The following DIP2C variants were observed in gnomAD, a reference collection of about 807,000 sequenced individuals.
The protein encoded by DIP2C is DIP2 acetate--CoA ligase C (putative).
In DIP2C, 33 loss-of-function variants were observed where a neutral mutation model predicts 192.4. The ratio of observed to expected loss-of-function variants is 0.17; its 90% CI spans 0.13 to 0.23. DIP2C has a LOEUF of 0.23. DIP2C is among the 10% of genes least tolerant of loss of function. The pLI is 1.00. For synonymous variants in DIP2C, 979 were observed against 864.1 expected (o/e 1.13, Z -2.33); for missense variants, 1,537 against 2,110.1 (o/e 0.73, Z 5.32).
intron 1 of DIP2C, among the ~76,000 whole-genome samples, chr10:568,488 C>T (rs1849572152): frequency 6.6e-6 from 1 of 152,074 alleles, no homozygotes; most frequent in Admixed American, 6.6e-5. Flanking sequence ...TCACTTGAGG[C>T]CGGGCGCGGT....
At chr10:470,626 G>A (rs987549569) in intron 3 of DIP2C, among the ~76,000 whole-genome samples, 1 of 152,200 alleles carries the variant, frequency 6.6e-6, no homozygotes, top group African/African-American at 2.4e-5. Context: ...TGTGAAGATG[G>A]CATGATCCGA....
At chr10:484,678 C>T in intron 2 of DIP2C, 3 of 1,441,510 alleles carry the variant, frequency 2.1e-6, no homozygotes, top group Non-Finnish European at 2.7e-6. Context: ...CTCAGGCCCC[C>T]AAGGCCACAC....
chr10:448,511 C>CTGAA (rs1564725950), intron 3 of DIP2C, among the ~76,000 whole-genome samples: 24 of 118,964 alleles, frequency 2.0e-4, no homozygotes, highest in African/African-American at 1.2e-3. Context: ...GCAGGACCCG[C>CTGAA]TCACTCCCGT....
chr10:589,310 T>C (rs905271556), intron 1 of DIP2C, among the ~76,000 whole-genome samples: 2 of 152,198 alleles, frequency 1.3e-5, no homozygotes, highest in African/African-American at 2.4e-5. Flanking sequence ...CCTAGGGGTG[T>C]CTTTTATATT....
At chr10:295,287 C>T (rs779147490) in intron 32 of DIP2C, among the ~76,000 whole-genome samples, 9 of 151,900 alleles carry the variant, frequency 5.9e-5, no homozygotes, top group Non-Finnish European at 8.8e-5. Flanking sequence ...ATTGGCCGGG[C>T]GCGGTGGCTT....
intron 1 of DIP2C, among the ~76,000 whole-genome samples, chr10:488,298 G>C (rs755481887): frequency 2.6e-5 from 4 of 152,180 alleles, no homozygotes; most frequent in Non-Finnish European, 5.9e-5. Flanking sequence ...CTGTGCTCAC[G>C]GCCTGCTCCT....
intron 1 of DIP2C, among the ~76,000 whole-genome samples, chr10:517,149 G>A (rs1891256): frequency 1.1e-4 from 16 of 151,618 alleles, no homozygotes; most frequent in Non-Finnish European, 1.9e-4. Context: ...GCCCCTCTCC[G>A]CTCCCATCAT....
intron 1 of DIP2C, among the ~76,000 whole-genome samples, chr10:557,971 C>CT (rs1327628488): frequency 2.6e-5 from 4 of 151,950 alleles, no homozygotes; most frequent in Non-Finnish European, 5.9e-5. Context: ...AGGAGGGATG[C>CT]TCCCTGGCAA....
rs756912336 is a variant in DIP2C, at chr10:515,184, GTT to G, written c.86-28656_86-28655del. ...TTTAAAGTGTTACAAATGCAGCTGA[GTT>G]TTAATAGTAACTTGTCCATAATTGT... On this transcript the variant is annotated intron_variant, in intron 1 of 36. Transcript: ENST00000280886. 6.6e-5 allele frequency among the ~76,000 whole-genome samples: 10 copies of G among 152,258 alleles called. No homozygotes were observed. The East Asian group carries it at 1.3e-3, about 21-fold the overall frequency.
chr10:676,064 A>G (rs1310760994), intron 1 of DIP2C, among the ~76,000 whole-genome samples: 3 of 152,214 alleles, frequency 2.0e-5, no homozygotes, highest in Non-Finnish European at 4.4e-5. Flanking sequence ...ATTATACACC[A>G]CGATCAAGTG....
chr10:350,099 G>GT (rs372503793), intron 24 of DIP2C, among the ~76,000 whole-genome samples: 2 of 152,278 alleles, frequency 1.3e-5, no homozygotes, highest in African/African-American at 2.4e-5. Context: ...GGGATTCGCT[G>GT]TTTTTTGAGA....
chr10:616,570 A>G (rs1853484993), intron 1 of DIP2C, among the ~76,000 whole-genome samples: 1 of 152,174 alleles, frequency 6.6e-6, no homozygotes, highest in African/African-American at 2.4e-5. Context: ...CTGAGCCCCA[A>G]CAGCCCCTCG....
rs1217471087 is a variant in DIP2C, at chr10:549,132, G to C, written c.86-62602C>G. Among the ~76,000 whole-genome samples, 4 of 152,088 alleles carry C rather than the reference G, an allele frequency of 2.6e-5. 1 individual carries two copies. In the East Asian group the frequency reaches 7.7e-4, roughly 29 times the overall value. ...GCTCATCAAGGAATCCCTACAAATA[G>C]TAGCTTTAAGAGTCCCCAAAATGCA... On this transcript the variant is annotated intron_variant, in intron 1 of 36. Coordinates refer to ENST00000280886, the MANE Select transcript of DIP2C (RefSeq NM_014974.3).
intron 2 of DIP2C, among the ~76,000 whole-genome samples, chr10:477,683 A>G (rs569259664): frequency 2.0e-4 from 28 of 141,416 alleles, no homozygotes; most frequent in African/African-American, 5.9e-4. Context: ...AATAGATAGG[A>G]GGAAAGCGGA....
chr10:344,116 G>C (rs973807232), intron 28 of DIP2C, among the ~76,000 whole-genome samples: 4 of 152,226 alleles, frequency 2.6e-5, no homozygotes, highest in African/African-American at 7.2e-5. Flanking sequence ...GGTATGACTG[G>C]AAGCAGCTGC....
chr10:510,682 A>C (rs561453723), intron 1 of DIP2C, among the ~76,000 whole-genome samples: 6 of 152,348 alleles, frequency 3.9e-5, no homozygotes, highest in South Asian at 2.1e-4. Flanking sequence ...GAAGCAAAAG[A>C]AGCTGACACC....
intron 1 of DIP2C, among the ~76,000 whole-genome samples, chr10:611,660 C>T (rs1853107811): frequency 6.6e-6 from 1 of 152,156 alleles, no homozygotes; most frequent in Admixed American, 6.5e-5. Context: ...CTTAAGCTTC[C>T]TTTTTTTCCA....
intron 31 of DIP2C, among the ~76,000 whole-genome samples, chr10:323,098 G>A (rs1957073913): frequency 8.2e-5 from 1 of 12,198 alleles, no homozygotes. Context: ...AGTCGGGGGT[G>A]CGGGGCTCCG....
chr10:469,899 A>T (rs1367656279), intron 3 of DIP2C, among the ~76,000 whole-genome samples: 2 of 152,136 alleles, frequency 1.3e-5, no homozygotes, highest in Non-Finnish European at 2.9e-5. Flanking sequence ...CAAAATATAG[A>T]AGCCAGGCAG....
Sources: allele counts gnomAD v4.1 joint callset (sites outside exome capture counted in the v4.1 genomes callset), GRCh38; gene constraint gnomAD v4.1.1; transcripts MANE v1.5; gene names NCBI Gene and HGNC (gene_info 2026-07-23, HGNC 2026-07-21).